The following ATP8B1 variants were observed in gnomAD, a reference collection of about 807,000 sequenced individuals.
ATP8B1 encodes phospholipid-transporting ATPase IC.
A neutral mutation model predicts 149.9 loss-of-function variants in ATP8B1; 80 were observed. That is an observed-to-expected ratio of 0.53 (90% CI 0.45 to 0.64). ATP8B1 has a LOEUF of 0.64. Ranked by LOEUF, ATP8B1 falls within the 30% of genes least tolerant of loss-of-function variation. ATP8B1 has a pLI of 0.00. For missense variants in ATP8B1, 1,247 were observed against 1,552.6 expected (o/e 0.80, Z 3.31); for synonymous variants, 536 against 562.8 (o/e 0.95, Z 0.67).
At position 57,697,604 on chromosome 18, in the gene ATP8B1, C is replaced by A. The variant is rs560685942; in HGVS notation, c.698+14G>T. On this transcript the variant is annotated intron_variant, in intron 8 of 27. Transcript: ENST00000648908. ...AAGGCCAGCTTTAAATCAGGCCCAT[C>A]GAGACACACTTACCCATCCAGTTCT... 6.2e-7 allele frequency: 1 copy of A among 1,613,198 alleles called. No homozygotes were observed. The highest frequency in any genetic ancestry group is 8.5e-7 in the Non-Finnish European group (1 of 1,179,308).
In ATP8B1 at chr18:57,652,572, G is replaced by A; in HGVS notation, c.3173C>T (p.Thr1058Ile). The stretch of plus-strand genomic sequence containing the variant: ...AGGTGCCTCTCCATCCTGCCCTACG[G>A]TTTGCAGATAAGCTCCAAGAGGTAT... ...FFIPLGAYLQ[T>I]VGQDGEAPSD... The change falls in exon 25 of 28, where the codon ACC becomes ATC. Residue 1058 changes from threonine to isoleucine, a missense_variant. Thr to Ile is a moderately conservative substitution (Grantham distance 89). Around this residue, in one of 3 missense-constraint regions of ATP8B1, gnomAD observed 230 missense variants for 356.6 expected, o/e 0.65. Transcript: ENST00000648908. 1 of 1,614,188 alleles carries A rather than the reference G, an allele frequency of 6.2e-7. No homozygotes were observed. The highest frequency in any genetic ancestry group is 1.1e-5 in the South Asian group (1 of 91,080).
At position 57,648,727 on chromosome 18, in the gene ATP8B1, G is replaced by A. The variant is rs12958967; in HGVS notation, c.3532-15C>T. On this transcript the variant is annotated splice_polypyrimidine_tract_variant and intron_variant, in intron 27 of 27. Transcript: ENST00000648908. Reference sequence around the variant, plus strand: ...TGCTTCTGGATCTGCAAGGGGGAGAGATGGGGAGGGATGAAAATAAGATCC... The same window carrying A: ...TGCTTCTGGATCTGCAAGGGGGAGAAATGGGGAGGGATGAAAATAAGATCC... 0.25 allele frequency: 383,865 copies of A among 1,548,334 alleles called. 50,815 individuals carry two copies. The highest frequency in any genetic ancestry group is 0.27 in the Non-Finnish European group (312,153 of 1,146,138).
intron 2 of ATP8B1, among the ~76,000 whole-genome samples, chr18:57,712,549 T>G (rs149608825): frequency 6.6e-4 from 101 of 152,196 alleles, no homozygotes; most frequent in African/African-American, 2.3e-3. Flanking sequence ...GCCCTGGGGC[T>G]CTAAATAAAA....
At chr18:57,777,297 T>C (rs2080313877) in intron 1 of ATP8B1, among the ~76,000 whole-genome samples, 1 of 152,152 alleles carries the variant, frequency 6.6e-6, no homozygotes, top group Non-Finnish European at 1.5e-5. Context: ...TCTTATCTAT[T>C]GAAAGCTGGA....
rs1909452872 is a variant in ATP8B1 at position 57,649,412 on chromosome 18, G to C, written c.3532-700C>G. ...CAAGATTCCCACTCCTCTGAAGCTA[G>C]TGCCCTTTTCTAGTTCAGACCAGAT... On this transcript the variant is annotated intron_variant, in intron 27 of 27. Transcript: ENST00000648908. 3.9e-5 allele frequency among the ~76,000 whole-genome samples: 6 copies of C among 152,092 alleles called. No homozygotes were observed. The South Asian group carries it at 1.2e-3, about 32-fold the overall frequency.
At chr18:57,698,832 C>G (rs1912966883) in intron 6 of ATP8B1, among the ~76,000 whole-genome samples, 1 of 152,200 alleles carries the variant, frequency 6.6e-6, no homozygotes, top group African/African-American at 2.4e-5. Flanking sequence ...GACATCTTTC[C>G]CCACATTCCC....
chr18:57,749,579 T>C (rs1028599840), intron 1 of ATP8B1, among the ~76,000 whole-genome samples: 2 of 152,186 alleles, frequency 1.3e-5, no homozygotes, highest in African/African-American at 4.8e-5. Context: ...CGAATTAACC[T>C]GATTTAGGTG....
intron 2 of ATP8B1, among the ~76,000 whole-genome samples, chr18:57,721,549 C>G (rs1292558184): frequency 8.6e-5 from 13 of 151,992 alleles, no homozygotes; most frequent in Non-Finnish European, 1.3e-4. Context: ...AGAGCTAACT[C>G]TCCTAAATAT....
intron 1 of ATP8B1, among the ~76,000 whole-genome samples, chr18:57,750,596 G>A (rs1288621109): frequency 2.0e-5 from 3 of 152,172 alleles, no homozygotes; most frequent in South Asian, 4.1e-4. Context: ...CAAGTGCTCC[G>A]CAGCTAGGCC....
intron 2 of ATP8B1, among the ~76,000 whole-genome samples, chr18:57,725,749 T>G (rs2079699867): frequency 6.6e-6 from 1 of 152,204 alleles, no homozygotes; most frequent in Non-Finnish European, 1.5e-5. Context: ...AAACTTGTTT[T>G]CAACAAAGGT....
chr18:57,656,198 C>G (rs1157471848), intron 22 of ATP8B1, among the ~76,000 whole-genome samples: 1 of 152,138 alleles, frequency 6.6e-6, no homozygotes, highest in East Asian at 1.9e-4. Context: ...TACCTAGTCC[C>G]CTGTATGAAT....
At chr18:57,718,402 G>A (rs1439197888) in intron 2 of ATP8B1, among the ~76,000 whole-genome samples, 2 of 151,972 alleles carry the variant, frequency 1.3e-5, no homozygotes, top group Non-Finnish European at 2.9e-5. Flanking sequence ...AGGACCCAAT[G>A]GCTTCACTAC....
chr18:57,661,393 CT>C lies in ATP8B1; in HGVS notation c.2487del (p.Glu830LysfsTer13). ...KILKLKFPRTEEERRMRTQSK... is the reference protein window; with the variant it reads ...KILKLKFPRTXEERRMRTQSK... ...CTTTGGGTCCGCATCCGTCTTTCTTCTTCTGTTCTTGGGAACTTCAGCTTCA... is the reference window on the plus strand; with the variant it reads ...CTTTGGGTCCGCATCCGTCTTTCTTCTCTGTTCTTGGGAACTTCAGCTTCA... On this transcript the variant is annotated frameshift_variant, in exon 22 of 28. Coordinates refer to ENST00000648908, the MANE Select transcript of ATP8B1 (RefSeq NM_001374385.1). LOFTEE classifies it high-confidence loss of function. 1 of 1,613,964 alleles carries C rather than the reference CT, an allele frequency of 6.2e-7. No homozygotes were observed. Among genetic ancestry groups the C allele is most frequent in the Non-Finnish European group, 8.5e-7 (1 of 1,180,004 alleles).
intron 1 of ATP8B1, chr18:57,740,569 C>CTTTTTTTTTTT (rs34842587): frequency 8.0e-6 from 1 of 125,412 alleles, no homozygotes; most frequent in Non-Finnish European, 1.6e-5. Context: ...TTTTTTCTTC[C>CTTTTTTTTTTT]TTTTTTTTTT....
intron 15 of ATP8B1, among the ~76,000 whole-genome samples, chr18:57,683,591 A>G (rs192379411): frequency 3.4e-4 from 52 of 152,328 alleles, no homozygotes; most frequent in African/African-American, 1.1e-3. Flanking sequence ...AACCCAAACT[A>G]TAACAGAATC....
At chr18:57,734,898 C>A (rs1000102840) in intron 1 of ATP8B1, among the ~76,000 whole-genome samples, 2 of 152,202 alleles carry the variant, frequency 1.3e-5, no homozygotes, top group Non-Finnish European at 2.9e-5. Context: ...CTGCATCCAC[C>A]TTTAAACAGG....
chr18:57,730,585 G>A (rs1183561880), intron 2 of ATP8B1, among the ~76,000 whole-genome samples: 3 of 152,128 alleles, frequency 2.0e-5, no homozygotes, highest in Admixed American at 6.6e-5. Flanking sequence ...AGATGAAATA[G>A]AAAAGCCACA....
chr18:57,729,549 CTTTT>C lies in ATP8B1; in HGVS notation c.181+2074_181+2077del, dbSNP rs71171074. Among the ~76,000 whole-genome samples, 152 of 120,668 alleles carry C rather than the reference CTTTT, an allele frequency of 1.3e-3. 1 individual carries two copies. Among genetic ancestry groups the C allele is most frequent in the Non-Finnish European group, 1.4e-3 (85 of 59,626 alleles). 79.2% of individuals were successfully genotyped at this position (120,668 alleles called of 152,430 possible). The stretch of plus-strand genomic sequence containing the variant: ...GGTGGGAATTCCATTTTCTTTCTTT[CTTTT>C]TTTTTTTTTTTTTTGAGTTGGAGTT... On this transcript the variant is annotated intron_variant, in intron 2 of 27. Transcript: ENST00000648908.
intron 19 of ATP8B1, among the ~76,000 whole-genome samples, chr18:57,667,813 C>T (rs185677572): frequency 6.6e-6 from 1 of 152,074 alleles, no homozygotes; most frequent in African/African-American, 2.4e-5. Context: ...TTTTAAATTA[C>T]CACCCAATTT....
Sources: allele counts gnomAD v4.1 joint callset (sites outside exome capture counted in the v4.1 genomes callset), GRCh38; gene constraint gnomAD v4.1.1; regional missense constraint gnomAD v4.1.1; transcripts MANE v1.5; gene names NCBI Gene and HGNC (gene_info 2026-07-23, HGNC 2026-07-21).